The following ELFN1 variants were observed in gnomAD, a reference collection of about 807,000 sequenced individuals.
The protein encoded by ELFN1 is protein ELFN1.
Under a neutral mutation model 7.6 loss-of-function variants are expected in ELFN1, and 6 were observed. The ratio of observed to expected loss-of-function variants is 0.79; its 90% CI spans 0.43 to 1.56. The LOEUF is 1.56. Ranked by LOEUF, ELFN1 falls within the 40% of genes most tolerant of loss-of-function variation. The probability of loss-of-function intolerance (pLI) is 0.01; values close to 1 mark genes in which losing one functional copy is unlikely to be tolerated. For missense variants in ELFN1, 1,169 were observed against 1,232.2 expected, an observed-to-expected ratio of 0.95 and a Z score of 0.77; for synonymous variants, 657 against 588.1, an observed-to-expected ratio of 1.12 and a Z score of -1.70.
intron 1 of ELFN1, among the ~76,000 whole-genome samples, chr7:1,679,298 C>G (rs1004089103): frequency 7.9e-5 from 12 of 152,170 alleles, no homozygotes; most frequent in African/African-American, 2.9e-4. Context: ...ATAGCTACAG[C>G]CCAGGCCTGG....
rs761574487 is a variant in ELFN1, at chr7:1,746,654, G to A, written c.2058G>A (p.Ala686=). The A allele has an allele frequency of 2.4e-5, 33 of 1,362,122 alleles. No homozygotes were observed. Among genetic ancestry groups the A allele is most frequent in the Non-Finnish European group, 2.6e-5 (28 of 1,063,250 alleles). 84.4% of individuals were successfully genotyped at this position (1,362,122 alleles called of 1,614,324 possible). A position where few individuals can be genotyped will look rare whatever the true frequency, so the allele number is the denominator to read the frequency against. Residue 686 remains alanine (A), a synonymous_variant, in exon 4 of 4, where the codon GCG becomes GCA. Coordinates refer to ENST00000424383, the MANE Select transcript of ELFN1 (RefSeq NM_001128636.4). ...AADAILTVTP[A]AAVLRAEAEK... Reference sequence around the variant, plus strand: ...ACGCCATCCTCACTGTGACACCCGCGGCCGCCGTGCTGCGGGCCGAGGCCG... The same window carrying A: ...ACGCCATCCTCACTGTGACACCCGCAGCCGCCGTGCTGCGGGCCGAGGCCG...
upstream of ELFN1, among the ~76,000 whole-genome samples, chr7:1,669,975 C>T (rs1778730749): frequency 6.6e-6 from 1 of 151,520 alleles, no homozygotes; most frequent in African/African-American, 2.4e-5. Context: ...CTTCCCCAGC[C>T]CCTGCGCGTC....
chr7:1,747,470 AAATAT>A lies in ELFN1; in HGVS notation c.*392_*396del, dbSNP rs1780839521. On this transcript the variant is annotated 3_prime_UTR_variant, in exon 4 of 4. Coordinates refer to ENST00000424383, the MANE Select transcript of ELFN1 (RefSeq NM_001128636.4). Reference sequence around the variant, plus strand: ...TCTTTACTTTCTTCCTTTTTTAAAAAAATATAATAAAAGACAAGTTATTTTAAAAA... The same window carrying A: ...TCTTTACTTTCTTCCTTTTTTAAAAAAATAAAAGACAAGTTATTTTAAAAA... 1 of 170,430 alleles carries A rather than the reference AAATAT, an allele frequency of 5.9e-6. No individual in the cohort carries two copies. The highest frequency in any genetic ancestry group is 2.0e-4 in the South Asian group (1 of 4,886). 10.6% of individuals were successfully genotyped at this position (170,430 alleles called of 1,614,324 possible).
intron 1 of ELFN1, among the ~76,000 whole-genome samples, chr7:1,679,822 G>T (rs550197773): frequency 2.0e-5 from 3 of 152,224 alleles, no homozygotes; most frequent in Non-Finnish European, 4.4e-5. Context: ...GCCATTGCGG[G>T]CGTGGTGTCC....
At position 1,745,854 on chromosome 7, in the gene ELFN1, A is replaced by T. The variant is rs1001476527; in HGVS notation, c.1258A>T (p.Met420Leu). ...CCCCTCCACGGCCACCCACTACATC[A>T]TGACCATCCTGGGCTGCCTCTTCGG... ...PSPSTATHYI[M>L]TILGCLFGMV... The change falls in exon 4 of 4, where the codon ATG becomes TTG. Residue 420 changes from methionine to leucine, a missense_variant. By Grantham distance (15) the Met-to-Leu change is conservative (BLOSUM62 2). Transcript: ENST00000424383. The T allele has an allele frequency of 1.5e-5, 24 of 1,590,144 alleles. No homozygotes were observed. Among genetic ancestry groups the T allele is most frequent in the Non-Finnish European group, 2.1e-5 (24 of 1,169,920 alleles).
At chr7:1,696,836 C>T (rs981225480) in intron 2 of ELFN1, among the ~76,000 whole-genome samples, 1 of 152,214 alleles carries the variant, frequency 6.6e-6, no homozygotes, top group Non-Finnish European at 1.5e-5. Flanking sequence ...CCCAGGGATG[C>T]TGGGCACACT....
At chr7:1,728,265 C>T (rs1466517945) in intron 3 of ELFN1, among the ~76,000 whole-genome samples, 2 of 152,396 alleles carry the variant, frequency 1.3e-5, no homozygotes, top group Admixed American at 6.5e-5. Context: ...GCAGTAGCCC[C>T]TGTGGAGGGA....
intron 2 of ELFN1, chr7:1,694,057 C>T (rs1221023239): frequency 9.6e-6 from 3 of 313,780 alleles, no homozygotes; most frequent in East Asian, 7.8e-5. Context: ...CAGCAGGGAG[C>T]GCCCAGTCTG....
At position 1,747,302 on chromosome 7, in the gene ELFN1, C is replaced by CCCCACA. The variant is rs1554257016; in HGVS notation, c.*220_*221insCCACAC. ...GCTTGTCGCCCCGGGTGGCACGTGT[C>CCCCACA]CACACACACACACACACACACACAC... On this transcript the variant is annotated 3_prime_UTR_variant, in exon 4 of 4. Coordinates refer to ENST00000424383, the MANE Select transcript of ELFN1 (RefSeq NM_001128636.4). 3 of 266,366 alleles carry CCCCACA rather than the reference C, an allele frequency of 1.1e-5. No homozygotes were observed. The highest frequency in any genetic ancestry group is 6.3e-5 in the African/African-American group (2 of 31,730). 16.5% of individuals were successfully genotyped at this position (266,366 alleles called of 1,614,324 possible). A position where few individuals can be genotyped will look rare whatever the true frequency, so the allele number is the denominator to read the frequency against.
intron 3 of ELFN1, among the ~76,000 whole-genome samples, chr7:1,729,204 G>C (rs1780272308): frequency 6.6e-6 from 1 of 152,202 alleles, no homozygotes; most frequent in African/African-American, 2.4e-5. Context: ...GGTGGATGGG[G>C]AACGTGAGCT....
intron 2 of ELFN1, among the ~76,000 whole-genome samples, chr7:1,707,561 C>A (rs560643588): frequency 6.6e-6 from 1 of 152,162 alleles, no homozygotes; most frequent in African/African-American, 2.4e-5. Context: ...GCTGGGTAGA[C>A]GGCAGGGCGG....
chr7:1,686,575 G>C (rs916709348), intron 1 of ELFN1, among the ~76,000 whole-genome samples: 1 of 151,836 alleles, frequency 6.6e-6, no homozygotes, highest in Non-Finnish European at 1.5e-5. Context: ...ATTGGTTTGG[G>C]GTTGTTTCCA....
intron 2 of ELFN1, among the ~76,000 whole-genome samples, chr7:1,706,707 C>T (rs1779537506): frequency 6.6e-6 from 1 of 152,206 alleles, no homozygotes; most frequent in Non-Finnish European, 1.5e-5. Flanking sequence ...TCACCTTCAC[C>T]CCTATAAAGT....
chr7:1,688,698 C>G (rs368511034), intron 2 of ELFN1, among the ~76,000 whole-genome samples: 7 of 152,324 alleles, frequency 4.6e-5, no homozygotes, highest in African/African-American at 1.4e-4. Flanking sequence ...CTCATGTACC[C>G]TTTATCCAGT....
chr7:1,685,411 C>G (rs992252817), intron 1 of ELFN1, among the ~76,000 whole-genome samples: 7 of 152,140 alleles, frequency 4.6e-5, no homozygotes, highest in African/African-American at 1.7e-4. Flanking sequence ...GTCTTTCTCT[C>G]TCTCCTGTTC....
chr7:1,744,458 A>T lies in ELFN1; in HGVS notation c.-139A>T. On this transcript the variant is annotated 5_prime_UTR_variant, in exon 4 of 4. It removes an upstream start codon present in the reference 5' UTR. Coordinates refer to ENST00000424383, the MANE Select transcript of ELFN1 (RefSeq NM_001128636.4). The stretch of plus-strand genomic sequence containing the variant: ...CTCCCCGCGCTTACGTCGCGCGGCC[A>T]TGCGGTTTGGGACAGGACACCCCTG... 3 of 1,012,728 alleles carry T rather than the reference A, an allele frequency of 3.0e-6. No individual in the cohort carries two copies. Among genetic ancestry groups the T allele is most frequent in the Non-Finnish European group, 4.1e-6 (3 of 731,870 alleles). 62.7% of individuals were successfully genotyped at this position (1,012,728 alleles called of 1,614,324 possible).
chr7:1,698,387 C>T (rs1011966388), intron 2 of ELFN1, among the ~76,000 whole-genome samples: 8 of 152,184 alleles, frequency 5.3e-5, no homozygotes, highest in Non-Finnish European at 7.3e-5. Flanking sequence ...CAAATTAGCA[C>T]GTCAGCTTCC....
At chr7:1,704,447 GCA>G (rs1046480017) in intron 2 of ELFN1, among the ~76,000 whole-genome samples, 1 of 152,092 alleles carries the variant, frequency 6.6e-6, no homozygotes, top group Non-Finnish European at 1.5e-5. Flanking sequence ...ACACCTGCAT[GCA>G]CACACACTCA....
intron 3 of ELFN1, among the ~76,000 whole-genome samples, chr7:1,711,981 T>C (rs886731801): frequency 2.6e-5 from 4 of 152,158 alleles, no homozygotes; most frequent in African/African-American, 9.7e-5. Flanking sequence ...GTGTGGACAG[T>C]TAGGGCGAGG....
Sources: gnomAD v4.1 joint callset for allele counts (sites outside exome capture counted in the v4.1 genomes callset) on GRCh38, gnomAD v4.1.1 for gene constraint, MANE v1.5 for transcripts, NCBI Gene and HGNC (gene_info 2026-07-23, HGNC 2026-07-21) for gene names.